FLNB: variants seen among roughly 807,000 people sequenced by gnomAD.
FLNB encodes filamin-B.
FLNB carries 111 observed loss-of-function variants against 250.6 expected under a neutral mutation model. That is an observed-to-expected ratio of 0.44 (90% CI 0.38 to 0.52). The LOEUF is 0.52. Among genes scored for constraint, FLNB ranks in the 20% least tolerant of loss-of-function variants. FLNB has a pLI of 0.00. For missense variants in FLNB, 2,869 were observed against 3,447.8 expected, an observed-to-expected ratio of 0.83 and a Z score of 4.20; for synonymous variants, 1,302 against 1,372.1, an observed-to-expected ratio of 0.95 and a Z score of 1.13.
At position 58,142,759 on chromosome 3, in the gene FLNB, A is replaced by C; in HGVS notation, c.5284+7A>C. 6.2e-7 allele frequency: 1 copy of C among 1,611,768 alleles called. No individual in the cohort carries two copies. Among genetic ancestry groups the C allele is most frequent in the Non-Finnish European group, 8.5e-7 (1 of 1,177,808 alleles). On this transcript the variant is annotated splice_region_variant and intron_variant, in intron 31 of 45. Coordinates refer to ENST00000295956, the MANE Select transcript of FLNB (RefSeq NM_001457.4). The surrounding 1 kb of genome is among the most constrained non-coding windows in gnomAD (Gnocchi z 4.3). ...AGGAAAGGAGAAATCACTGGTAAGC[A>C]CTTGCCATAAAGGCCGTCTCATTCT...
chr3:58,102,172 G>A lies in FLNB; in HGVS notation c.1346-31G>A, dbSNP rs762422887. On this transcript the variant is annotated intron_variant, in intron 8 of 45. Transcript: ENST00000295956. The stretch of plus-strand genomic sequence containing the variant: ...TCACGACTCTGACTAAAGAATGAAA[G>A]ATTGAATTGATGTCAAAACTGTGCT... 11 of 1,613,924 alleles carry A rather than the reference G, an allele frequency of 6.8e-6. No homozygotes were observed. In the South Asian group the frequency reaches 1.2e-4, roughly 18 times the overall value.
rs111945354 is a variant in FLNB at position 58,084,572 on chromosome 3, T to TA, written c.787+2796_787+2797insA. On this transcript the variant is annotated intron_variant, in intron 4 of 45. Transcript: ENST00000295956. ...CACCCTTTTAAAAAAAAATTTTTTTTTATATGTGTGCTTTTTGCATTTTTT... is the reference window on the plus strand; with the variant it reads ...CACCCTTTTAAAAAAAAATTTTTTTTATATATGTGTGCTTTTTGCATTTTTT... Among the ~76,000 whole-genome samples, 14 of 151,988 alleles carry TA rather than the reference T, an allele frequency of 9.2e-5. 1 individual carries two copies. Among genetic ancestry groups the TA allele is most frequent in the African/African-American group, 3.4e-4 (14 of 41,428 alleles).
chr3:58,138,607 G>T, intron 29 of FLNB, 78 bp downstream of exon 29: 1 of 1,572,726 alleles, frequency 6.4e-7, no homozygotes, highest in South Asian at 1.1e-5. Context: ...ACCCTGACTA[G>T]GATATCCTCT....
Position 58,121,422 on chromosome 3 carries a change from T to C in FLNB, c.3045T>C (p.Ala1015=), listed in dbSNP as rs758634659. Residue 1015 remains alanine, a synonymous_variant, in exon 20 of 46, where the codon GCT becomes GCC. Coordinates refer to ENST00000295956, the MANE Select transcript of FLNB (RefSeq NM_001457.4). ...TCCCTCGGGAGGAGGGGCTGTATGC[T>C]GTAGACGTGACCTACGATGGACACC... ...KFIPREEGLY[A]VDVTYDGHPV... The C allele has an allele frequency of 3.1e-6, 5 of 1,614,142 alleles. 1 individual carries two copies. In the Middle Eastern group the frequency reaches 6.6e-4, roughly 213 times the overall value.
In FLNB at chr3:58,077,360, G is replaced by T. The variant is rs1559676740; in HGVS notation, c.541+66G>T. 1.1e-5 allele frequency: 17 copies of T among 1,569,126 alleles called. No homozygotes were observed. The East Asian group carries it at 3.8e-4, about 35-fold the overall frequency. The stretch of plus-strand genomic sequence containing the variant: ...GGGTGTGTGGGTCCCAAACATTCTG[G>T]TTTTCAACGGGAATGCTATCTTTGC... On this transcript the variant is annotated intron_variant, in intron 2 of 45. Coordinates refer to ENST00000295956, the MANE Select transcript of FLNB (RefSeq NM_001457.4).
chr3:58,170,395 A>G, intron 45 of FLNB, 180 bp from the exon 46 acceptor site: 1 of 624,586 alleles, frequency 1.6e-6, no homozygotes, highest in Non-Finnish European at 2.9e-6. Context: ...GTGGCAGGGC[A>G]GGGATTCGAA....
In FLNB at chr3:58,095,018, G is replaced by A. The variant is rs928992134; in HGVS notation, c.906+64G>A. 2.3e-5 allele frequency: 29 copies of A among 1,243,102 alleles called. 1 individual carries two copies. Among genetic ancestry groups the A allele is most frequent in the African/African-American group, 2.1e-4 (14 of 67,914 alleles). The allele number at this position is 1,243,102 out of a possible 1,614,324, so 77.0% of individuals were successfully genotyped here. ...ATGGAGCTTTTGGGGCTTGTAATGC[G>A]GCCAGGGACTGTGCCTCCATTTTCA... On this transcript the variant is annotated intron_variant, in intron 5 of 45. Transcript: ENST00000295956.
At position 58,097,965 on chromosome 3, in the gene FLNB, A is replaced by G. The variant is rs374118649; in HGVS notation, c.1135A>G (p.Ile379Val). Residue 379 changes from isoleucine (I) to valine (V), a missense_variant, in exon 7 of 46, where the codon ATC (isoleucine) becomes GTC (valine). Transcript: ENST00000295956. ...NIANKPTYFDIYTAGAGVGDI... is the reference protein window; with the variant it reads ...NIANKPTYFDVYTAGAGVGDI... The stretch of plus-strand genomic sequence containing the variant: ...CGCCAATAAGCCCACCTACTTTGAC[A>G]TCTATACGGCAGGTAACGTGCCTCT... 174 of 1,613,934 alleles carry G rather than the reference A, an allele frequency of 1.1e-4. No individual in the cohort carries two copies. The highest frequency in any genetic ancestry group is 1.4e-4 in the Non-Finnish European group (171 of 1,179,950).
chr3:58,140,569 G>C (rs1007084422), intron 29 of FLNB, among the ~76,000 whole-genome samples: 2 of 152,120 alleles, frequency 1.3e-5, no homozygotes, highest in Admixed American at 1.3e-4. Flanking sequence ...GTTGAGAGGG[G>C]TTCCCTTGCT....
intron 1 of FLNB, among the ~76,000 whole-genome samples, chr3:58,010,231 G>A (rs1237639856): frequency 6.6e-6 from 1 of 152,158 alleles, no homozygotes; most frequent in African/African-American, 2.4e-5. Context: ...TCTTCCTGAG[G>A]AAACCAGGTC....
chr3:58,102,476 C>A, intron 9 of FLNB, 136 bp downstream of exon 9: 1 of 1,028,578 alleles, frequency 9.7e-7, no homozygotes, highest in Non-Finnish European at 1.5e-6. Context: ...GCTATCTGGG[C>A]TCCTTGGGGA....
intron 1 of FLNB, among the ~76,000 whole-genome samples, chr3:58,070,706 C>CTG (rs1157339692): frequency 6.7e-6 from 1 of 148,702 alleles, no homozygotes; most frequent in Non-Finnish European, 1.5e-5. Context: ...GTCACCCAGG[C>CTG]TGGAGTGCAG....
intron 8 of FLNB, among the ~76,000 whole-genome samples, chr3:58,099,454 T>A (rs373025366): frequency 6.6e-6 from 1 of 152,230 alleles, no homozygotes; most frequent in East Asian, 1.9e-4. Context: ...TACCCTTAAC[T>A]ACTCTGCTAA....
At chr3:58,015,601 C>A (rs1282052625) in intron 1 of FLNB, among the ~76,000 whole-genome samples, 1 of 152,188 alleles carries the variant, frequency 6.6e-6, no homozygotes, top group Non-Finnish European at 1.5e-5. Context: ...GACAAGCAAG[C>A]AGGGAGAGCC....
intron 1 of FLNB, among the ~76,000 whole-genome samples, chr3:58,032,593 A>G (rs79377960): frequency 6.6e-6 from 1 of 152,088 alleles, no homozygotes; most frequent in Non-Finnish European, 1.5e-5. Flanking sequence ...AAAAGTCTAG[A>G]GTAGGGCTGG....
chr3:58,057,103 G>C (rs2097171779), intron 1 of FLNB, among the ~76,000 whole-genome samples: 1 of 152,140 alleles, frequency 6.6e-6, no homozygotes, highest in Admixed American at 6.5e-5. Context: ...AGTCTCCTGA[G>C]TAGCTGGGAC....
intron 27 of FLNB, among the ~76,000 whole-genome samples, 188 bp from the exon 28 acceptor site, chr3:58,135,791 C>T (rs2097314888): frequency 6.6e-6 from 1 of 152,172 alleles, no homozygotes; most frequent in South Asian, 2.1e-4. Context: ...CCATGTCTGT[C>T]ATGGTGTTAA....
rs113525232 is a variant in FLNB, at chr3:58,145,804, C to A, written c.5426-117C>A. 7.5e-5 allele frequency: 94 copies of A among 1,245,632 alleles called. 3 individuals carry two copies. The highest frequency in any genetic ancestry group is 6.4e-4 in the African/African-American group (43 of 67,692). 77.2% of individuals were successfully genotyped at this position (1,245,632 alleles called of 1,614,324 possible). ...GTGCATCTCCTTCTGTCTCTTCATGCCTCTGCTTAGGAGGCGCCAGACCTG... is the reference window on the plus strand; with the variant it reads ...GTGCATCTCCTTCTGTCTCTTCATGACTCTGCTTAGGAGGCGCCAGACCTG... On this transcript the variant is annotated intron_variant, in intron 32 of 45. Coordinates refer to ENST00000295956, the MANE Select transcript of FLNB (RefSeq NM_001457.4).
intron 12 of FLNB, among the ~76,000 whole-genome samples, chr3:58,107,812 C>T (rs775518072): frequency 1.7e-4 from 26 of 152,212 alleles, no homozygotes; most frequent in Non-Finnish European, 3.2e-4. Context: ...TGATGTCAGT[C>T]TGGGCTGGTA....
Sources: gnomAD v4.1 joint callset for allele counts (sites outside exome capture counted in the v4.1 genomes callset) on GRCh38, gnomAD v4.1.1 for gene constraint, Gnocchi (gnomAD v3.1) non-coding constraint, MANE v1.5 for transcripts, NCBI Gene and HGNC (gene_info 2026-07-23, HGNC 2026-07-21) for gene names.